NKPD1: variants seen among roughly 807,000 people sequenced by gnomAD.
The protein encoded by NKPD1 is NTPase KAP family P-loop domain-containing protein 1.
A neutral mutation model predicts 42.2 loss-of-function variants in NKPD1; 37 were observed. That is an observed-to-expected ratio of 0.88 (90% CI 0.67 to 1.15). The LOEUF is 1.15. Among genes scored for constraint, NKPD1 ranks in the 50% most tolerant of loss-of-function variants. NKPD1 has a pLI of 0.00. For missense variants in NKPD1, 1,113 were observed against 1,174.6 expected, an observed-to-expected ratio of 0.95 and a Z score of 0.77; for synonymous variants, 552 against 536.5, an observed-to-expected ratio of 1.03 and a Z score of -0.40.
Position 45,153,721 on chromosome 19 carries a change from T to A in NKPD1, c.716A>T (p.Gln239Leu), listed in dbSNP as rs372249922. The change falls in exon 5 of 5, where the codon CAG becomes CTG. Residue 239 changes from glutamine (Q) to leucine (L), a missense_variant. Coordinates refer to ENST00000686631, the MANE Select transcript of NKPD1 (RefSeq NM_198478.4). ...GCCGCTCACGGCACGCGGCCGCCACTGCACGTGCTGCAGCTCCTCGCTCTC... is the reference window on the plus strand; with the variant it reads ...GCCGCTCACGGCACGCGGCCGCCACAGCACGTGCTGCAGCTCCTCGCTCTC... ...QRESEELQHV[Q>L]WRPRAVSGWG... The A allele has an allele frequency of 6.5e-5, 99 of 1,526,446 alleles. No homozygotes were observed. The highest frequency in any genetic ancestry group is 1.2e-4 in the Admixed American group (6 of 50,660). The allele number at this position is 1,526,446 out of a possible 1,614,324, so 94.6% of individuals were successfully genotyped here.
In NKPD1 at chr19:45,151,820, GGT is replaced by G; in HGVS notation, c.*116_*117del. ...CGGCTCTGGCTCAGGTTCACCTGGG[GGT>G]GTGGGCCTCACAGGGCTCATTCGGA... On this transcript the variant is annotated 3_prime_UTR_variant, in exon 5 of 5. Transcript: ENST00000686631. 1 of 1,112,934 alleles carries G rather than the reference GGT, an allele frequency of 9.0e-7. No homozygotes were observed. Among genetic ancestry groups the G allele is most frequent in the Non-Finnish European group, 1.2e-6 (1 of 813,474 alleles). 68.9% of individuals were successfully genotyped at this position (1,112,934 alleles called of 1,614,324 possible). A position where few individuals can be genotyped will look rare whatever the true frequency, so the allele number is the denominator to read the frequency against.
rs1968783138 is a variant in NKPD1, at chr19:45,151,861, C to T, written c.*77G>A. The stretch of plus-strand genomic sequence containing the variant: ...GGCTCATTCGGACCCTGGGTTGCGG[C>T]CCCAGTCCAGCCCCCTATTCTCCCA... On this transcript the variant is annotated 3_prime_UTR_variant, in exon 5 of 5. Transcript: ENST00000686631. 7.1e-7 allele frequency: 1 copy of T among 1,408,262 alleles called. No individual in the cohort carries two copies. Among genetic ancestry groups the T allele is most frequent in the Non-Finnish European group, 9.4e-7 (1 of 1,065,240 alleles). 87.2% of individuals were successfully genotyped at this position (1,408,262 alleles called of 1,614,324 possible).
chr19:45,152,796 G>A lies in NKPD1; in HGVS notation c.1641C>T (p.Ser547=). 1 of 1,602,030 alleles carries A rather than the reference G, an allele frequency of 6.2e-7. No individual in the cohort carries two copies. The highest frequency in any genetic ancestry group is 8.5e-7 in the Non-Finnish European group (1 of 1,174,556). ...KLQFLHDAVQ[S]RDDLLYREMT... ...TCTCGCGGTACAACAGGTCGTCGCG[G>A]CTCTGCACCGCATCGTGCAGGAACT... The change falls in exon 5 of 5, where the codon AGC becomes AGT. Residue 547 remains serine (S), a synonymous_variant. Transcript: ENST00000686631.
intron 3 of NKPD1, among the ~76,000 whole-genome samples, chr19:45,157,242 G>T (rs1336553990): frequency 6.6e-6 from 1 of 152,162 alleles, no homozygotes; most frequent in East Asian, 1.9e-4. Context: ...TGCCTCCTTT[G>T]GGCAAAAGCC....
rs765138574 is a variant in NKPD1, at chr19:45,152,465, C to G, written c.1972G>C (p.Val658Leu). ...PTPRQAVAWV[V>L]LANQWPCRLS... Reference sequence around the variant, plus strand: ...CGGCACGGCCACTGGTTGGCGAGCACCACCCACGCCACCGCCTGGCGCGGC... The same window carrying G: ...CGGCACGGCCACTGGTTGGCGAGCAGCACCCACGCCACCGCCTGGCGCGGC... The change falls in exon 5 of 5, where the codon GTG becomes CTG. Residue 658 changes from valine to leucine, a missense_variant. By Grantham distance (32) the Val-to-Leu change is conservative (BLOSUM62 1). Coordinates refer to ENST00000686631, the MANE Select transcript of NKPD1 (RefSeq NM_198478.4). 2.6e-6 allele frequency: 4 copies of G among 1,550,386 alleles called. No individual in the cohort carries two copies. In the African/African-American group the frequency reaches 5.6e-5, roughly 22 times the overall value.
Position 45,160,044 on chromosome 19 carries a change from C to T in NKPD1, c.91+16G>A. On this transcript the variant is annotated intron_variant, in intron 2 of 4. Coordinates refer to ENST00000686631, the MANE Select transcript of NKPD1 (RefSeq NM_198478.4). ...GCCTCTGTCGGCCATCACCCGCCCC[C>T]AAACTGAACCCGTACCTTTTCGGTG... 1 of 1,294,174 alleles carries T rather than the reference C, an allele frequency of 7.7e-7. No individual in the cohort carries two copies. The highest frequency in any genetic ancestry group is 1.0e-6 in the Non-Finnish European group (1 of 980,482). 80.2% of individuals were successfully genotyped at this position (1,294,174 alleles called of 1,614,324 possible). A position where few individuals can be genotyped will look rare whatever the true frequency, so the allele number is the denominator to read the frequency against.
At chr19:45,157,926 T>C (rs537468608) in intron 3 of NKPD1, among the ~76,000 whole-genome samples, 12 of 152,152 alleles carry the variant, frequency 7.9e-5, no homozygotes, top group African/African-American at 2.7e-4. Flanking sequence ...GGTTGTACCA[T>C]GTTGGCCAGG....
chr19:45,150,744 C>G lies in NKPD1; in HGVS notation c.*1194G>C, dbSNP rs1218683601. Reference sequence around the variant, plus strand: ...TTGCTGTGGCCAGAGAACTCCGGTGCTGCAGCCAGACCTGGATGCTATGCC... The same window carrying G: ...TTGCTGTGGCCAGAGAACTCCGGTGGTGCAGCCAGACCTGGATGCTATGCC... On this transcript the variant is annotated 3_prime_UTR_variant, in exon 5 of 5. Transcript: ENST00000686631. 1 of 152,304 alleles carries G rather than the reference C, an allele frequency of 6.6e-6. No individual in the cohort carries two copies. The highest frequency in any genetic ancestry group is 1.5e-5 in the Non-Finnish European group (1 of 68,074). 9.4% of individuals were successfully genotyped at this position (152,304 alleles called of 1,614,324 possible).
At chr19:45,160,004 C>G (rs747127867) in intron 2 of NKPD1, 56 bp downstream of exon 2, 1 of 1,035,226 alleles carries the variant, frequency 9.7e-7, no homozygotes, top group East Asian at 6.1e-5. Flanking sequence ...TCCATTCACT[C>G]TGGCTTCCTC....
intron 3 of NKPD1, among the ~76,000 whole-genome samples, chr19:45,157,238 C>T (rs546444333): frequency 6.6e-6 from 1 of 152,352 alleles, no homozygotes; most frequent in Admixed American, 6.5e-5. Context: ...CTCCTGCCTC[C>T]TTTGGGCAAA....
chr19:45,156,175 G>A (rs1040793856), intron 3 of NKPD1, among the ~76,000 whole-genome samples: 2 of 152,178 alleles, frequency 1.3e-5, no homozygotes, highest in Admixed American at 6.5e-5. Flanking sequence ...CTGAGGCTGC[G>A]GGAAGTCAGC....
chr19:45,157,719 C>CT (rs34991759), intron 3 of NKPD1, among the ~76,000 whole-genome samples: 15,595 of 83,150 alleles, frequency 0.19, 2,597 homozygotes, highest in African/African-American at 0.24. Context: ...CCCAGACATA[C>CT]TTTTTTTTTT....
chr19:45,153,613 T>A lies in NKPD1; in HGVS notation c.824A>T (p.Gln275Leu). 6.3e-7 allele frequency: 1 copy of A among 1,576,608 alleles called. No homozygotes were observed. The change falls in exon 5 of 5, where the codon CAG (glutamine) becomes CTG (leucine). Residue 275 changes from glutamine to leucine, a missense_variant. Gln to Leu is a moderately radical substitution (Grantham distance 113, BLOSUM62 -2). This residue lies in a region of NKPD1 where 867 missense variants were observed against 870.1 expected (regional missense o/e 1.00). Transcript: ENST00000686631. ...GGCGCTAAAGCGGATGAAAAGGAAC[T>A]GCACGTTCCTGCGCCGCAGGTGCAC... ...TEVHLRRRNV[Q>L]FLFIRFSAWQ... is the part of the protein sequence containing the mutation.
intron 2 of NKPD1, among the ~76,000 whole-genome samples, chr19:45,159,480 G>A (rs1968967183): frequency 6.6e-6 from 1 of 152,190 alleles, no homozygotes; most frequent in Admixed American, 6.5e-5. Context: ...GGCTGGCCCA[G>A]GGAGGCCGGA....
Position 45,150,647 on chromosome 19 carries a change from C to T in NKPD1, c.*1291G>A, listed in dbSNP as rs1212912246. 2.0e-5 allele frequency: 3 copies of T among 152,340 alleles called. No individual in the cohort carries two copies. In the East Asian group the frequency reaches 5.8e-4, roughly 29 times the overall value. 9.4% of individuals were successfully genotyped at this position (152,340 alleles called of 1,614,324 possible). A position where few individuals can be genotyped will look rare whatever the true frequency, so the allele number is the denominator to read the frequency against. On this transcript the variant is annotated 3_prime_UTR_variant, in exon 5 of 5. Coordinates refer to ENST00000686631, the MANE Select transcript of NKPD1 (RefSeq NM_198478.4). ...GCTTAGTCAGTCCAGGAATGGGAAA[C>T]AGCACCTCTGCTTGCCCAGCCCCAG...
rs1412208721 is a variant in NKPD1 at position 45,150,456 on chromosome 19, C to T, written c.*1482G>A. The T allele has an allele frequency of 6.6e-6, 1 of 152,090 alleles. No individual in the cohort carries two copies. The allele number at this position is 152,090 out of a possible 1,614,324, so 9.4% of individuals were successfully genotyped here. A position where few individuals can be genotyped will look rare whatever the true frequency, so the allele number is the denominator to read the frequency against. On this transcript the variant is annotated 3_prime_UTR_variant, in exon 5 of 5. Coordinates refer to ENST00000686631, the MANE Select transcript of NKPD1 (RefSeq NM_198478.4). ...GGATTCCAGGTGGTAAGAAACAAAC[C>T]CAACTGAAACTGGCTTAAGGGAGGC... is the stretch of plus-strand genomic sequence containing the variant.
chr19:45,153,276 C>T lies in NKPD1; in HGVS notation c.1161G>A (p.Leu387=). 1.9e-6 allele frequency: 3 copies of T among 1,599,336 alleles called. No homozygotes were observed. Among genetic ancestry groups the T allele is most frequent in the Non-Finnish European group, 2.6e-6 (3 of 1,173,958 alleles). ...CGGCCATGAGCAGCCCCGAGCCCGACAGTGTGGTGGCCGCGCCGCCAAACA... is the reference window on the plus strand; with the variant it reads ...CGGCCATGAGCAGCCCCGAGCCCGATAGTGTGGTGGCCGCGCCGCCAAACA... ...LKVFGGAATT[L]SGSGLLMAVY... Residue 387 remains leucine, a synonymous_variant, in exon 5 of 5, where the codon CTG becomes CTA. Coordinates refer to ENST00000686631, the MANE Select transcript of NKPD1 (RefSeq NM_198478.4).
At chr19:45,157,325 C>T (rs1968922139) in intron 3 of NKPD1, among the ~76,000 whole-genome samples, 1 of 152,218 alleles carries the variant, frequency 6.6e-6, no homozygotes, top group African/African-American at 2.4e-5. Flanking sequence ...CTTAATGAGG[C>T]CCAGCCTGAC....
At chr19:45,155,999 T>C in intron 3 of NKPD1, 83 bp from the exon 4 acceptor site, 3 of 1,215,384 alleles carry the variant, frequency 2.5e-6, no homozygotes, top group Middle Eastern at 2.5e-4. Context: ...TGGCCCCCAC[T>C]ATCAGCCCCT....
Sources: allele counts gnomAD v4.1 joint callset (sites outside exome capture counted in the v4.1 genomes callset), GRCh38; gene constraint gnomAD v4.1.1; regional missense constraint gnomAD v4.1.1; transcripts MANE v1.5; gene names NCBI Gene and HGNC (gene_info 2026-07-23, HGNC 2026-07-21).